The following PTCSC3 variants were observed in gnomAD, a reference collection of about 807,000 sequenced individuals.
The protein encoded by PTCSC3 is papillary thyroid carcinoma susceptibility candidate 3 (non-protein coding).
intron 2 of PTCSC3, among the ~76,000 whole-genome samples, chr14:36,159,166 T>TATCA (rs1881896081): frequency 6.7e-6 from 1 of 149,060 alleles, no homozygotes; most frequent in Non-Finnish European, 1.5e-5. Context: ...GCTACTGGTC[T>TATCA]ATTTTGTTGA....
chr14:36,170,033 T>C (rs2139113143), intron 1 of PTCSC3, among the ~76,000 whole-genome samples: 1 of 152,246 alleles, frequency 6.6e-6, no homozygotes, highest in Admixed American at 6.5e-5. Flanking sequence ...AAATGGGCAG[T>C]GTTCTTTGAG....
intron 3 of PTCSC3, among the ~76,000 whole-genome samples, chr14:36,145,627 AT>A (rs1006931127): frequency 2.5e-5 from 2 of 81,398 alleles, no homozygotes; most frequent in African/African-American, 7.7e-5. Context: ...GGATTCATTA[AT>A]TTTTTGAAGG....
intron 2 of PTCSC3, among the ~76,000 whole-genome samples, chr14:36,157,205 G>A (rs1486737562): frequency 3.3e-5 from 5 of 152,120 alleles, no homozygotes; most frequent in South Asian, 2.1e-4. Context: ...CTGCATAAAT[G>A]TCTCCTTTTG....
intron 1 of PTCSC3, among the ~76,000 whole-genome samples, chr14:36,171,247 G>A (rs1882187357): frequency 6.6e-6 from 1 of 152,086 alleles, no homozygotes; most frequent in South Asian, 2.1e-4. Flanking sequence ...AGGTCTAATG[G>A]TGATTGAGTG....
intron 2 of PTCSC3, among the ~76,000 whole-genome samples, chr14:36,162,243 A>C: frequency 8.1e-6 from 1 of 123,844 alleles, no homozygotes. Context: ...GCGTTCCAGG[A>C]GCTGCTGGGG....
chr14:36,153,288 G>A (rs1594450146), intron 3 of PTCSC3, among the ~76,000 whole-genome samples: 2 of 152,240 alleles, frequency 1.3e-5, no homozygotes, highest in East Asian at 1.9e-4. Context: ...TTGGGGGTTA[G>A]GATTTCACAT....
chr14:36,172,998 C>T (rs1285351726), intron 1 of PTCSC3, among the ~76,000 whole-genome samples: 2 of 151,676 alleles, frequency 1.3e-5, no homozygotes, highest in Non-Finnish European at 1.5e-5. Flanking sequence ...CTTAGGTTCT[C>T]ACCTATCTTT....
At chr14:36,173,462 T>C (rs960464933) in intron 1 of PTCSC3, among the ~76,000 whole-genome samples, 1 of 152,084 alleles carries the variant, frequency 6.6e-6, no homozygotes, top group Non-Finnish European at 1.5e-5. Flanking sequence ...ATGTCAAATT[T>C]CCAGACAACC....
At chr14:36,154,089 A>G (rs1356061881) in intron 2 of PTCSC3, among the ~76,000 whole-genome samples, 2 of 151,590 alleles carry the variant, frequency 1.3e-5, no homozygotes, top group Non-Finnish European at 2.9e-5. Context: ...AACTACTGCT[A>G]CAATATTAAG....
intron 3 of PTCSC3, among the ~76,000 whole-genome samples, chr14:36,138,090 T>G (rs772199397): frequency 5.3e-4 from 81 of 152,250 alleles, no homozygotes; most frequent in Middle Eastern, 3.4e-3. Context: ...AAGAAGTGGC[T>G]GCTAAATTAG....
chr14:36,170,691 T>A (rs186128749), intron 1 of PTCSC3, among the ~76,000 whole-genome samples: 1 of 152,136 alleles, frequency 6.6e-6, no homozygotes. Context: ...TCTGGGATCC[T>A]GGACTCAAAA....
At chr14:36,175,981 AAAG>A (rs1882274123) in intron 1 of PTCSC3, among the ~76,000 whole-genome samples, 1 of 152,198 alleles carries the variant, frequency 6.6e-6, no homozygotes, top group Non-Finnish European at 1.5e-5. Flanking sequence ...TGTAGAAAGA[AAAG>A]AACCAACAAC....
intron 2 of PTCSC3, among the ~76,000 whole-genome samples, chr14:36,161,985 T>G (rs1881966080): frequency 6.6e-6 from 1 of 152,118 alleles, no homozygotes; most frequent in African/African-American, 2.4e-5. Context: ...AGTTCGAACT[T>G]GCTGGCAGCT....
intron 1 of PTCSC3, among the ~76,000 whole-genome samples, chr14:36,169,153 A>G (rs1304335846): frequency 6.6e-6 from 1 of 152,160 alleles, no homozygotes; most frequent in Non-Finnish European, 1.5e-5. Context: ...CCAAATTTAC[A>G]CATTCAATAT....
intron 3 of PTCSC3, among the ~76,000 whole-genome samples, chr14:36,152,014 T>G (rs79617034): frequency 2.6e-5 from 4 of 152,204 alleles, no homozygotes; most frequent in African/African-American, 7.2e-5. Context: ...CTAAGAAGAT[T>G]TGTTGATTTT....
At chr14:36,157,085 G>C (rs1161210113) in intron 2 of PTCSC3, among the ~76,000 whole-genome samples, 1 of 152,110 alleles carries the variant, frequency 6.6e-6, no homozygotes, top group Non-Finnish European at 1.5e-5. Context: ...GTTGTTTCCT[G>C]ACTTTTTCAT....
intron 2 of PTCSC3, among the ~76,000 whole-genome samples, chr14:36,155,986 C>A (rs1056454374): frequency 1.3e-5 from 2 of 151,948 alleles, no homozygotes; most frequent in Admixed American, 1.3e-4. Context: ...ATTCTCTGTC[C>A]TTTCCAAAAT....
At chr14:36,165,722 C>CTTTTTTTTTTTTTTTTTTTTT (rs71448056) in intron 1 of PTCSC3, among the ~76,000 whole-genome samples, 1 of 124,820 alleles carries the variant, frequency 8.0e-6, no homozygotes, top group African/African-American at 2.9e-5. Flanking sequence ...TTTATTTTTC[C>CTTTTTTTTTTTTTTTTTTTTT]TTTTTTTTTT....
At chr14:36,146,988 G>C (rs1344872745) in intron 3 of PTCSC3, among the ~76,000 whole-genome samples, 1 of 152,068 alleles carries the variant, frequency 6.6e-6, no homozygotes, top group African/African-American at 2.4e-5. Flanking sequence ...TTGAATATTG[G>C]CCCCCACTCT....
Sources: gnomAD v4.1 joint callset for allele counts (sites outside exome capture counted in the v4.1 genomes callset) on GRCh38, gnomAD v4.1.1 for gene constraint, MANE v1.5 for transcripts, NCBI Gene and HGNC (gene_info 2026-07-23, HGNC 2026-07-21) for gene names.